The following NRG1 variants were observed in gnomAD, a reference collection of about 807,000 sequenced individuals.
NRG1 encodes the protein pro-neuregulin-1, membrane-bound isoform.
NRG1 carries 18 observed loss-of-function variants against 63.8 expected under a neutral mutation model. The observed-to-expected ratio is 0.28, with a 90% CI of 0.19 to 0.42. The LOEUF is 0.42. Ranked by LOEUF, NRG1 falls within the 10% of genes least tolerant of loss-of-function variation. The probability of loss-of-function intolerance (pLI) is 1.00; values close to 1 mark genes in which losing one functional copy is unlikely to be tolerated. For missense variants in NRG1, 762 were observed against 814.7 expected (o/e 0.94, Z 0.79); for synonymous variants, 302 against 301.3 (o/e 1.00, Z -0.02).
chr8:32,478,817 T>A (rs1243499609), intron 1 of NRG1, among the ~76,000 whole-genome samples: 3 of 152,278 alleles, frequency 2.0e-5, no homozygotes, highest in South Asian at 2.1e-4. Context: ...TAAACCCCAA[T>A]ATACTTTAAG....
chr8:32,503,288 GAAAAAAAAAAAAA>G lies in NRG1; in HGVS notation c.38-92524_38-92512del, dbSNP rs60857610. On this transcript the variant is annotated intron_variant, in intron 1 of 10. Coordinates refer to the NRG1 transcript ENST00000519301. ...GGCTACAGAGCGAGACTCTGTCTCA[GAAAAAAAAAAAAA>G]AAAAAAAAAAAAAAAGGAAATAAAC... Among the ~76,000 whole-genome samples the G allele has an allele frequency of 5.9e-3, 325 of 54,876 alleles. 8 individuals are homozygous for G. In the East Asian group the frequency reaches 0.074, roughly 12 times the overall value. The allele number at this position is 54,876 out of a possible 152,430, so 36.0% of individuals were successfully genotyped here.
chr8:32,552,211 T>C (rs1183552956), intron 1 of NRG1, among the ~76,000 whole-genome samples: 10 of 19,500 alleles, frequency 5.1e-4, no homozygotes, highest in Admixed American at 3.6e-3. Context: ...GCTTGGCCGC[T>C]TTTTTTTTTT....
chr8:32,424,488 C>A (rs1277527910), intron 1 of NRG1, among the ~76,000 whole-genome samples: 1 of 152,108 alleles, frequency 6.6e-6, no homozygotes, highest in Non-Finnish European at 1.5e-5. Flanking sequence ...CGAAATGAGG[C>A]CTTACCATTT....
At chr8:31,863,670 A>G (rs947465799) in intron 1 of NRG1, among the ~76,000 whole-genome samples, 2 of 152,274 alleles carry the variant, frequency 1.3e-5, no homozygotes, top group African/African-American at 2.4e-5. Flanking sequence ...TTCTTTTACC[A>G]TCTTGCCCAC....
intron 1 of NRG1, among the ~76,000 whole-genome samples, chr8:31,824,410 C>A (rs1279296935): frequency 6.6e-6 from 1 of 152,066 alleles, no homozygotes; most frequent in Non-Finnish European, 1.5e-5. Context: ...CTTTCAATTC[C>A]TGAAGGGACT....
intron 1 of NRG1, among the ~76,000 whole-genome samples, chr8:32,222,034 TACAC>T (rs202206585): frequency 0.13 from 19,451 of 148,558 alleles, 1,577 homozygotes; most frequent in East Asian, 0.39. Flanking sequence ...GAAACATACA[TACAC>T]ACACACACAC....
chr8:31,832,809 T>C (rs866574752), intron 1 of NRG1, among the ~76,000 whole-genome samples: 2 of 152,330 alleles, frequency 1.3e-5, no homozygotes, highest in Admixed American at 1.3e-4. Flanking sequence ...AAACTTGTTA[T>C]TGAAATTGCA....
At chr8:31,651,789 T>G (rs1162786409) in intron 1 of NRG1, among the ~76,000 whole-genome samples, 1 of 152,186 alleles carries the variant, frequency 6.6e-6, no homozygotes, top group Non-Finnish European at 1.5e-5. Context: ...GGTCCATTTT[T>G]TTTTTCCTTC....
chr8:32,390,744 G>C (rs1011705620), intron 1 of NRG1, among the ~76,000 whole-genome samples: 1 of 152,036 alleles, frequency 6.6e-6, no homozygotes, highest in African/African-American at 2.4e-5. Flanking sequence ...GTAATTGGCT[G>C]TTTATCTGTC....
chr8:32,396,046 T>C (rs1812398820), intron 1 of NRG1, among the ~76,000 whole-genome samples: 1 of 152,214 alleles, frequency 6.6e-6, no homozygotes, highest in East Asian at 1.9e-4. Context: ...TGTGTAAGTC[T>C]ATTTCTGGTA....
chr8:32,765,921 A>G (rs1831396399), exon 12 of NRG1: 1 of 152,182 alleles, frequency 6.6e-6, no homozygotes, highest in Non-Finnish European at 1.5e-5. Flanking sequence ...AATTCAGGAA[A>G]ATGGAAGAAA....
chr8:32,480,727 G>C (rs1447010648), intron 1 of NRG1, among the ~76,000 whole-genome samples: 1 of 152,156 alleles, frequency 6.6e-6, no homozygotes, highest in Non-Finnish European at 1.5e-5. Context: ...CATGGCAGAA[G>C]GCAAAGGGGG....
rs147926233 is a variant in NRG1 at position 31,845,244 on chromosome 8, T to C, written c.37+205813T>C. Among the ~76,000 whole-genome samples the C allele has an allele frequency of 4.0e-4, 61 of 152,310 alleles. 1 individual carries two copies. In the East Asian group the frequency reaches 0.01, roughly 25 times the overall value. On this transcript the variant is annotated intron_variant, in intron 1 of 10. Transcript: ENST00000519301. Reference sequence around the variant, plus strand: ...ATGGTTAGATACACATATTAAATTATTGGTATGTCAGATATGATTCTATTA... The same window carrying C: ...ATGGTTAGATACACATATTAAATTACTGGTATGTCAGATATGATTCTATTA...
intron 1 of NRG1, among the ~76,000 whole-genome samples, chr8:32,569,702 T>A (rs1044597764): frequency 6.6e-6 from 1 of 151,740 alleles, no homozygotes; most frequent in African/African-American, 2.4e-5. Flanking sequence ...CAGGCTTGTA[T>A]AGAAATCACC....
chr8:32,075,140 T>C (rs763562426), intron 1 of NRG1, among the ~76,000 whole-genome samples: 12 of 152,220 alleles, frequency 7.9e-5, no homozygotes, highest in Non-Finnish European at 1.3e-4. Flanking sequence ...TCCATGTAAA[T>C]GTTAGTCCTT....
At chr8:31,904,238 T>A (rs1399489787) in intron 1 of NRG1, among the ~76,000 whole-genome samples, 1 of 152,128 alleles carries the variant, frequency 6.6e-6, no homozygotes, top group African/African-American at 2.4e-5. Context: ...TCAATCCATA[T>A]GCTGCTTTGT....
chr8:32,224,373 T>TC (rs1491412025), intron 1 of NRG1, among the ~76,000 whole-genome samples: 1 of 151,082 alleles, frequency 6.6e-6, no homozygotes, highest in Admixed American at 6.6e-5. Context: ...TTGCATCCTC[T>TC]TAGACTGAAT....
chr8:31,889,539 G>A (rs1480349949), intron 1 of NRG1, among the ~76,000 whole-genome samples: 1 of 152,188 alleles, frequency 6.6e-6, no homozygotes, highest in East Asian at 1.9e-4. Context: ...GAGTCTTCAG[G>A]AGGGAACCCA....
At chr8:32,650,574 A>G (rs1854829438) in intron 5 of NRG1, among the ~76,000 whole-genome samples, 1 of 145,888 alleles carries the variant, frequency 6.9e-6, no homozygotes, top group African/African-American at 2.5e-5. Flanking sequence ...GGATTGGTCC[A>G]GGCAGCTTTG....
Sources: allele counts gnomAD v4.1 joint callset (sites outside exome capture counted in the v4.1 genomes callset), GRCh38; gene constraint gnomAD v4.1.1; transcripts MANE v1.5; gene names NCBI Gene and HGNC (gene_info 2026-07-23, HGNC 2026-07-21).